CMTM6: variants seen among roughly 807,000 people sequenced by gnomAD.
CMTM6 encodes the protein CKLF-like MARVEL transmembrane domain-containing protein 6.
A neutral mutation model predicts 13.6 loss-of-function variants in CMTM6; 5 were observed. The ratio of observed to expected loss-of-function variants is 0.37; its 90% CI spans 0.19 to 0.77. The LOEUF is 0.77. CMTM6 is among the 30% of genes least tolerant of loss of function. CMTM6 has a pLI of 0.50. For synonymous variants in CMTM6, 99 were observed against 84.5 expected, an observed-to-expected ratio of 1.17 and a Z score of -0.94; for missense variants, 196 against 218.6, an observed-to-expected ratio of 0.90 and a Z score of 0.65.
rs184945834 is a variant in CMTM6, at chr3:32,495,101, C to T, written c.139-3215G>A. Among the ~76,000 whole-genome samples the T allele has an allele frequency of 2.0e-5, 3 of 151,964 alleles. No individual in the cohort carries two copies. The East Asian group carries it at 5.8e-4, about 29-fold the overall frequency. On this transcript the variant is annotated intron_variant, in intron 1 of 3. Coordinates refer to ENST00000205636, the MANE Select transcript of CMTM6 (RefSeq NM_017801.3). ...TTCAAATCTATACTGGTATCCAAACCTTTAAGGGATTTCCTCTCCCTTCTA... is the reference window on the plus strand; with the variant it reads ...TTCAAATCTATACTGGTATCCAAACTTTTAAGGGATTTCCTCTCCCTTCTA...
chr3:32,495,760 C>T (rs1017431086), intron 1 of CMTM6, among the ~76,000 whole-genome samples: 2 of 152,188 alleles, frequency 1.3e-5, no homozygotes, highest in African/African-American at 4.8e-5. Flanking sequence ...CAGTCAGTCT[C>T]AAGTCATTAC....
In CMTM6 at chr3:32,491,597, GAT is replaced by G. The variant is rs1227827675; in HGVS notation, c.315+111_315+112del. On this transcript the variant is annotated intron_variant, in intron 2 of 3. Transcript: ENST00000205636. ...AGAAGCAGAGCGAGTTGGAACAAGGGATACTGTCTTTTCATGTTGCTGAGTTT... is the reference window on the plus strand; with the variant it reads ...AGAAGCAGAGCGAGTTGGAACAAGGGACTGTCTTTTCATGTTGCTGAGTTT... The G allele has an allele frequency of 6.5e-6, 6 of 919,038 alleles. No individual in the cohort carries two copies. The Admixed American group carries it at 1.8e-4, about 27-fold the overall frequency. The allele number at this position is 919,038 out of a possible 1,614,324, so 56.9% of individuals were successfully genotyped here.
In CMTM6 at chr3:32,491,895, G is replaced by A; in HGVS notation, c.139-9C>T. On this transcript the variant is annotated splice_polypyrimidine_tract_variant and intron_variant, in intron 1 of 3. Coordinates refer to ENST00000205636, the MANE Select transcript of CMTM6 (RefSeq NM_017801.3). ...GCCAGCAGAGACAGCAACTACAAATGAAGCAAAACATTTTACTTAAGTGTT... is the reference window on the plus strand; with the variant it reads ...GCCAGCAGAGACAGCAACTACAAATAAAGCAAAACATTTTACTTAAGTGTT... 1 of 1,593,640 alleles carries A rather than the reference G, an allele frequency of 6.3e-7. No homozygotes were observed. Among genetic ancestry groups the A allele is most frequent in the Non-Finnish European group, 8.5e-7 (1 of 1,172,336 alleles).
intron 1 of CMTM6, among the ~76,000 whole-genome samples, chr3:32,492,100 A>G (rs1361133228): frequency 3.9e-5 from 6 of 152,262 alleles, no homozygotes; most frequent in Non-Finnish European, 8.8e-5. Flanking sequence ...CCTATCGTGT[A>G]CTAATGCCAG....
rs1260687458 is a variant in CMTM6 at position 32,493,458 on chromosome 3, T to C, written c.139-1572A>G. Among the ~76,000 whole-genome samples the C allele has an allele frequency of 4.6e-5, 7 of 152,282 alleles. No individual in the cohort carries two copies. In the East Asian group the frequency reaches 1.3e-3, roughly 29 times the overall value. ...CAAGGGTGCTAGGGAGAGAAGAAATTCAGTTTTAAATATGCTGTGATTGAG... is the reference window on the plus strand; with the variant it reads ...CAAGGGTGCTAGGGAGAGAAGAAATCCAGTTTTAAATATGCTGTGATTGAG... On this transcript the variant is annotated intron_variant, in intron 1 of 3. Transcript: ENST00000205636.
At chr3:32,492,392 G>A (rs548940826) in intron 1 of CMTM6, among the ~76,000 whole-genome samples, 2 of 152,308 alleles carry the variant, frequency 1.3e-5, no homozygotes, top group South Asian at 2.1e-4. Context: ...CTTAAGTATA[G>A]AGTTTAAGGG....
intron 1 of CMTM6, among the ~76,000 whole-genome samples, chr3:32,495,059 A>T (rs1575138883): frequency 6.6e-6 from 1 of 152,258 alleles, no homozygotes; most frequent in Non-Finnish European, 1.5e-5. Flanking sequence ...TCAAAATAAA[A>T]AGTTAAAAAA....
At chr3:32,490,594 CTT>C (rs773450134) in intron 2 of CMTM6, among the ~76,000 whole-genome samples, 13 of 152,050 alleles carry the variant, frequency 8.5e-5, no homozygotes, top group Non-Finnish European at 1.9e-4. Flanking sequence ...TCTAAAATGA[CTT>C]TTTAAATGCT....
In CMTM6 at chr3:32,491,218, T is replaced by C. The variant is rs1697247522; in HGVS notation, c.315+492A>G. ...TTTTCATAATACCATTAAAGCAAAA[T>C]ATAGGAAGAATTACATGTTGTTTTA... On this transcript the variant is annotated intron_variant, in intron 2 of 3. Coordinates refer to ENST00000205636, the MANE Select transcript of CMTM6 (RefSeq NM_017801.3). 1.3e-5 allele frequency among the ~76,000 whole-genome samples: 2 copies of C among 152,314 alleles called. 1 individual carries two copies. Among genetic ancestry groups the C allele is most frequent in the Non-Finnish European group, 2.9e-5 (2 of 68,012 alleles).
At chr3:32,487,256 A>ACTAT (rs1697212877) in intron 3 of CMTM6, among the ~76,000 whole-genome samples, 1 of 152,202 alleles carries the variant, frequency 6.6e-6, no homozygotes, top group Non-Finnish European at 1.5e-5. Context: ...TTTCCTCAAC[A>ACTAT]CTATCTCTGC....
At chr3:32,490,310 A>G (rs912814617) in intron 2 of CMTM6, among the ~76,000 whole-genome samples, 37 of 152,184 alleles carry the variant, frequency 2.4e-4, no homozygotes, top group African/African-American at 8.7e-4. Flanking sequence ...ACATTCCTCT[A>G]AAACAGAAAA....
At chr3:32,488,079 G>T in intron 2 of CMTM6, 43 bp from the exon 3 acceptor site, 1 of 1,302,768 alleles carries the variant, frequency 7.7e-7, no homozygotes, top group Non-Finnish European at 1.1e-6. Context: ...AATACAGTTA[G>T]ATTCATGGAA....
rs1697177930 is a variant in CMTM6 at position 32,483,768 on chromosome 3, A to G, written c.*192T>C. 2 of 416,194 alleles carry G rather than the reference A, an allele frequency of 4.8e-6. No individual in the cohort carries two copies. The highest frequency in any genetic ancestry group is 6.5e-4 in the Middle Eastern group (1 of 1,540). 25.8% of individuals were successfully genotyped at this position (416,194 alleles called of 1,614,324 possible). Reference sequence around the variant, plus strand: ...AAGTTTCAATTATTATTTAAAAAAAAATTTTTTTTAACTTATCTGGCCTAC... The same window carrying G: ...AAGTTTCAATTATTATTTAAAAAAAGATTTTTTTTAACTTATCTGGCCTAC... On this transcript the variant is annotated 3_prime_UTR_variant, in exon 4 of 4. Coordinates refer to ENST00000205636, the MANE Select transcript of CMTM6 (RefSeq NM_017801.3).
rs1420206940 is a variant in CMTM6 at position 32,502,789 on chromosome 3, T to TGACTTCTCGGACTCCA, written c.-60_-45dup. ...GCGGCGGCCGCAGCAACCGCGCCGT[T>TGACTTCTCGGACTCCA]GACTTCTCGGACTCCAGAAGTCCCC... On this transcript the variant is annotated 5_prime_UTR_variant, in exon 1 of 4. Coordinates refer to ENST00000205636, the MANE Select transcript of CMTM6 (RefSeq NM_017801.3). 2.9e-6 allele frequency: 4 copies of TGACTTCTCGGACTCCA among 1,394,922 alleles called. No homozygotes were observed. The highest frequency in any genetic ancestry group is 3.7e-6 in the Non-Finnish European group (4 of 1,074,766). The allele number at this position is 1,394,922 out of a possible 1,614,324, so 86.4% of individuals were successfully genotyped here.
intron 1 of CMTM6, among the ~76,000 whole-genome samples, chr3:32,501,936 C>T (rs1697348813): frequency 6.6e-6 from 1 of 152,214 alleles, no homozygotes; most frequent in African/African-American, 2.4e-5. Flanking sequence ...ACTTCAACTG[C>T]TTAAAATAAA....
intron 1 of CMTM6, among the ~76,000 whole-genome samples, chr3:32,502,401 T>TGGGGA (rs1253031494): frequency 6.6e-6 from 1 of 152,162 alleles, no homozygotes; most frequent in Non-Finnish European, 1.5e-5. Context: ...GGGATCCCGA[T>TGGGGA]GGGGAGAGCC....
At position 32,482,546 on chromosome 3, in the gene CMTM6, G is replaced by A. The variant is rs1475026923; in HGVS notation, c.*1414C>T. On this transcript the variant is annotated 3_prime_UTR_variant, in exon 4 of 4. Coordinates refer to ENST00000205636, the MANE Select transcript of CMTM6 (RefSeq NM_017801.3). ...AAACTCTAGGAGGAGGATAAGAAAG[G>A]TCTAGTCTGTGAATCACCTGGACAG... 6.6e-6 allele frequency: 1 copy of A among 152,028 alleles called. No individual in the cohort carries two copies. Among genetic ancestry groups the A allele is most frequent in the Non-Finnish European group, 1.5e-5 (1 of 68,008 alleles). 9.4% of individuals were successfully genotyped at this position (152,028 alleles called of 1,614,324 possible).
At chr3:32,493,019 T>C (rs1697262863) in intron 1 of CMTM6, among the ~76,000 whole-genome samples, 1 of 152,264 alleles carries the variant, frequency 6.6e-6, no homozygotes, top group African/African-American at 2.4e-5. Context: ...TTGCTCTTCC[T>C]TAATTCCATG....
intron 1 of CMTM6, among the ~76,000 whole-genome samples, chr3:32,500,061 G>A (rs17029617): frequency 0.14 from 20,642 of 152,056 alleles, 2,064 homozygotes; most frequent in African/African-American, 0.28. Flanking sequence ...ATTCTGTTAA[G>A]ATTTATGGGT....
Sources: gnomAD v4.1 joint callset for allele counts (sites outside exome capture counted in the v4.1 genomes callset) on GRCh38, gnomAD v4.1.1 for gene constraint, MANE v1.5 for transcripts, NCBI Gene and HGNC (gene_info 2026-07-23, HGNC 2026-07-21) for gene names.